The following GRIK3 variants were observed in gnomAD, a reference collection of about 807,000 sequenced individuals.
GRIK3 encodes glutamate ionotropic receptor kainate type subunit 3.
A neutral mutation model predicts 102.5 loss-of-function variants in GRIK3; 29 were observed. The ratio of observed to expected loss-of-function variants is 0.28; its 90% CI spans 0.21 to 0.39. The LOEUF (loss-of-function observed/expected upper bound fraction) is 0.39. Among genes scored for constraint, GRIK3 ranks in the 10% least tolerant of loss-of-function variants. The pLI, the probability that GRIK3 is intolerant of heterozygous loss-of-function variation, is 1.00. For synonymous variants in GRIK3, 511 were observed against 504.9 expected (o/e 1.01, Z -0.16); for missense variants, 908 against 1,252.4 (o/e 0.73, Z 4.15).
At chr1:36,922,207 G>A (rs1202145402) in intron 1 of GRIK3, among the ~76,000 whole-genome samples, 1 of 152,222 alleles carries the variant, frequency 6.6e-6, no homozygotes, top group Non-Finnish European at 1.5e-5. Context: ...CAGTCCCAGA[G>A]GTTCAGGCTC....
chr1:36,835,955 C>T (rs1000602919), intron 10 of GRIK3, among the ~76,000 whole-genome samples: 1 of 152,188 alleles, frequency 6.6e-6, no homozygotes, highest in Non-Finnish European at 1.5e-5. Flanking sequence ...ACCCTGGAGA[C>T]ATCCCGAGCT....
At position 36,862,668 on chromosome 1, in the gene GRIK3, C is replaced by A. The variant is rs187769949; in HGVS notation, c.787-2651G>T. ...TCTCCCTCCCTCAGCTCCTCCAGGG[C>A]GGCTCCCTGAGGTGGCCAGACATGG... On this transcript the variant is annotated intron_variant, in intron 5 of 15. Transcript: ENST00000373091. Among the ~76,000 whole-genome samples, 298 of 152,304 alleles carry A rather than the reference C, an allele frequency of 2.0e-3. 3 individuals are homozygous for A. The highest frequency in any genetic ancestry group is 2.5e-3 in the Admixed American group (38 of 15,304).
At chr1:36,992,125 A>T (rs1335101410) in intron 1 of GRIK3, among the ~76,000 whole-genome samples, 1 of 152,192 alleles carries the variant, frequency 6.6e-6, no homozygotes, top group Non-Finnish European at 1.5e-5. Context: ...CATATCTCTA[A>T]GGATTTGGAC....
At chr1:36,848,947 G>A (rs549729751) in intron 9 of GRIK3, among the ~76,000 whole-genome samples, 1 of 152,142 alleles carries the variant, frequency 6.6e-6, no homozygotes, top group East Asian at 1.9e-4. Flanking sequence ...CCCAAAGAGG[G>A]GGACAGGTGT....
intron 7 of GRIK3, among the ~76,000 whole-genome samples, chr1:36,857,129 C>A (rs146437087): frequency 2.6e-5 from 4 of 152,286 alleles, no homozygotes; most frequent in Non-Finnish European, 4.4e-5. Flanking sequence ...CCAAGGTTAT[C>A]CAGTTAAAAA....
chr1:37,029,353 G>A (rs1642797184), intron 1 of GRIK3, among the ~76,000 whole-genome samples: 1 of 152,228 alleles, frequency 6.6e-6, no homozygotes, highest in Non-Finnish European at 1.5e-5. Flanking sequence ...CAGGCGGGGT[G>A]TGCAAAGTCC....
At chr1:36,939,178 G>A (rs1641692962) in intron 1 of GRIK3, among the ~76,000 whole-genome samples, 1 of 152,212 alleles carries the variant, frequency 6.6e-6, no homozygotes, top group African/African-American at 2.4e-5. Context: ...CACAACGCAT[G>A]GAAGTGAAAC....
rs755291700 is a variant in GRIK3, at chr1:36,853,590, C to T, written c.1212+25G>A. ...TAAGAAGCCCCTGCTCCTCCGCCTG[C>T]CCTCCCTCTCCTGAGACCACGCACC... is the stretch of plus-strand genomic sequence containing the variant. On this transcript the variant is annotated intron_variant, in intron 8 of 15. Coordinates refer to ENST00000373091, the MANE Select transcript of GRIK3 (RefSeq NM_000831.4). 6 of 1,462,532 alleles carry T rather than the reference C, an allele frequency of 4.1e-6. No individual in the cohort carries two copies. In the Admixed American group the frequency reaches 5.0e-5, roughly 12 times the overall value. The allele number at this position is 1,462,532 out of a possible 1,614,324, so 90.6% of individuals were successfully genotyped here.
intron 1 of GRIK3, among the ~76,000 whole-genome samples, chr1:37,017,549 C>G (rs577030424): frequency 6.6e-6 from 1 of 152,052 alleles, no homozygotes; most frequent in Non-Finnish European, 1.5e-5. Context: ...TCAGGGAGCT[C>G]GGAAAACCTG....
chr1:36,909,609 T>C (rs531892868), intron 1 of GRIK3, among the ~76,000 whole-genome samples: 2 of 152,260 alleles, frequency 1.3e-5, no homozygotes, highest in South Asian at 4.2e-4. Flanking sequence ...CCTTTTTTTC[T>C]TTTTTATCGG....
intron 1 of GRIK3, among the ~76,000 whole-genome samples, chr1:36,977,272 G>T (rs1388896526): frequency 1.3e-5 from 2 of 152,136 alleles, no homozygotes; most frequent in African/African-American, 4.8e-5. Context: ...CCCAAACCAG[G>T]TCCCATTGTC....
At chr1:36,814,572 A>G (rs866409605) in intron 13 of GRIK3, among the ~76,000 whole-genome samples, 2 of 144,374 alleles carry the variant, frequency 1.4e-5, no homozygotes, top group Non-Finnish European at 3.0e-5. Context: ...ACATACATCC[A>G]GACATATATA....
Position 36,805,219 on chromosome 1 carries a change from T to C in GRIK3, c.2333A>G (p.Lys778Arg). ...AAGCTGCAGGATGGCGATGGTGATC[T>C]TGTCCCGGTATGGGGAGCCTGAGCA... ...GTPMGSPYRDKITIAILQLQE... is the reference protein window; with the variant it reads ...GTPMGSPYRDRITIAILQLQE... Residue 778 changes from lysine (K) to arginine (R), a missense_variant, in exon 15 of 16, where the codon AAG (lysine) becomes AGG (arginine). Lys to Arg is a conservative substitution (Grantham distance 26). Transcript: ENST00000373091. 1 of 1,612,440 alleles carries C rather than the reference T, an allele frequency of 6.2e-7. No homozygotes were observed. Among genetic ancestry groups the C allele is most frequent in the Admixed American group, 1.7e-5 (1 of 59,956 alleles).
At chr1:36,812,875 T>A (rs1389920013) in intron 13 of GRIK3, among the ~76,000 whole-genome samples, 2 of 152,230 alleles carry the variant, frequency 1.3e-5, no homozygotes, top group Non-Finnish European at 2.9e-5. Flanking sequence ...GCCCACTCAG[T>A]TCCTAGTCCT....
chr1:36,859,274 G>C (rs1341543031), intron 6 of GRIK3, 23 bp from the exon 7 acceptor site: 1 of 1,587,452 alleles, frequency 6.3e-7, no homozygotes, highest in Non-Finnish European at 8.6e-7. Context: ...GCCTGCCTGA[G>C]AGCGGCTCCC....
intron 1 of GRIK3, among the ~76,000 whole-genome samples, chr1:37,033,174 AAG>A (rs1642846807): frequency 6.6e-6 from 1 of 152,350 alleles, no homozygotes; most frequent in Admixed American, 6.5e-5. Context: ...AGACCGGAGT[AAG>A]AGTCTCCGGC....
chr1:36,922,199 G>A (rs1440403995), intron 1 of GRIK3, among the ~76,000 whole-genome samples: 1 of 152,232 alleles, frequency 6.6e-6, no homozygotes, highest in Non-Finnish European at 1.5e-5. Context: ...GTGGACATCA[G>A]TCCCAGAGGT....
intron 9 of GRIK3, among the ~76,000 whole-genome samples, chr1:36,848,688 C>T (rs150577669): frequency 1.3e-3 from 197 of 151,530 alleles, no homozygotes; most frequent in Non-Finnish European, 2.1e-3. Context: ...CTATTTTTAT[C>T]CACATCAATA....
At chr1:36,906,367 G>A (rs775891942) in intron 1 of GRIK3, among the ~76,000 whole-genome samples, 8 of 152,178 alleles carry the variant, frequency 5.3e-5, no homozygotes, top group Non-Finnish European at 1.0e-4. Flanking sequence ...GCAAGATGGG[G>A]TACACATCTC....
Sources: allele counts gnomAD v4.1 joint callset (sites outside exome capture counted in the v4.1 genomes callset), GRCh38; gene constraint gnomAD v4.1.1; transcripts MANE v1.5; gene names NCBI Gene and HGNC (gene_info 2026-07-23, HGNC 2026-07-21).